Variants in TYW1B observed in about 807,000 individuals in gnomAD.
The protein encoded by TYW1B is tRNA-yW synthesizing protein 1 homolog B, also known as S-adenosyl-L-methionine-dependent tRNA 4-demethylwyosine synthase TYW1B.
TYW1B carries 73 observed loss-of-function variants against 86.9 expected under a neutral mutation model. That is an observed-to-expected ratio of 0.84 (90% CI 0.70 to 1.02). TYW1B has a LOEUF of 1.02. Among genes scored for constraint, TYW1B ranks in the 50% least tolerant of loss-of-function variants. TYW1B has a pLI of 0.00. For synonymous variants in TYW1B, 248 were observed against 292.8 expected, an observed-to-expected ratio of 0.85 and a Z score of 1.56; for missense variants, 637 against 827.4, an observed-to-expected ratio of 0.77 and a Z score of 2.82.
At position 72,661,236 on chromosome 7, in the gene TYW1B, C is replaced by T. The variant is rs1271373735; in HGVS notation, c.1507-32239G>A. ...AATTCTAGGGAGGTCTGGTGGGGGG[C>T]GGGGGGGCACTATAGGTAACTAATG... On this transcript the variant is annotated intron_variant, in intron 11 of 13. Transcript: ENST00000620995. Among the ~76,000 whole-genome samples the T allele has an allele frequency of 1.3e-3, 6 of 4,448 alleles. 1 individual carries two copies. The highest frequency in any genetic ancestry group is 2.5e-3 in the African/African-American group (6 of 2,436). 2.9% of individuals were successfully genotyped at this position (4,448 alleles called of 152,430 possible). A position where few individuals can be genotyped will look rare whatever the true frequency, so the allele number is the denominator to read the frequency against.
intron 10 of TYW1B, among the ~76,000 whole-genome samples, chr7:72,700,338 C>T (rs1255680743): frequency 3.3e-5 from 5 of 151,742 alleles, no homozygotes; most frequent in African/African-American, 1.2e-4. Flanking sequence ...CCACGCCCAG[C>T]TAATTTTTTG....
intron 7 of TYW1B, among the ~76,000 whole-genome samples, chr7:72,769,970 C>T (rs1241125966): frequency 6.6e-6 from 1 of 151,942 alleles, no homozygotes; most frequent in African/African-American, 2.4e-5. Context: ...ATCCCACTTA[C>T]TCAGGAGACT....
chr7:72,789,771 C>CA (rs1321737422), intron 6 of TYW1B, among the ~76,000 whole-genome samples: 2 of 151,816 alleles, frequency 1.3e-5, no homozygotes, highest in African/African-American at 4.8e-5. Flanking sequence ...CCACCACACC[C>CA]AGCCTGGAAT....
intron 11 of TYW1B, among the ~76,000 whole-genome samples, chr7:72,664,601 A>T (rs1813416732): frequency 6.6e-6 from 1 of 152,208 alleles, no homozygotes; most frequent in African/African-American, 2.4e-5. Context: ...GGCCTATCAC[A>T]GAGTGGAGAA....
intron 4 of TYW1B, among the ~76,000 whole-genome samples, chr7:72,809,583 T>C (rs775310636): frequency 6.6e-6 from 1 of 152,138 alleles, no homozygotes; most frequent in African/African-American, 2.4e-5. Context: ...AGCCTAGGAC[T>C]TCAAGGTTCA....
intron 7 of TYW1B, among the ~76,000 whole-genome samples, chr7:72,752,205 C>T (rs1434363490): frequency 3.3e-5 from 5 of 152,104 alleles, no homozygotes; most frequent in Non-Finnish European, 5.9e-5. Flanking sequence ...GGATCGACAG[C>T]ATTTCACAGG....
intron 13 of TYW1B, among the ~76,000 whole-genome samples, chr7:72,607,033 G>C (rs1554434987): frequency 6.6e-6 from 1 of 152,136 alleles, no homozygotes; most frequent in East Asian, 1.9e-4. Context: ...TATGTGTGTT[G>C]GAATTATCTG....
At chr7:72,822,035 T>C (rs1431622348) in intron 2 of TYW1B, among the ~76,000 whole-genome samples, 3 of 150,926 alleles carry the variant, frequency 2.0e-5, no homozygotes, top group Admixed American at 6.6e-5. Flanking sequence ...CACTTGAGGC[T>C]AGGAGTTTGA....
At chr7:72,654,691 G>C (rs181913882) in intron 11 of TYW1B, among the ~76,000 whole-genome samples, 2 of 152,258 alleles carry the variant, frequency 1.3e-5, no homozygotes, top group African/African-American at 4.8e-5. Flanking sequence ...GACCAGCCTG[G>C]CCAATACAGT....
chr7:72,667,986 G>C (rs1813509335), intron 11 of TYW1B, among the ~76,000 whole-genome samples: 1 of 152,120 alleles, frequency 6.6e-6, no homozygotes, highest in Non-Finnish European at 1.5e-5. Flanking sequence ...CACAGCTAGT[G>C]TCACATAAAA....
intron 12 of TYW1B, among the ~76,000 whole-genome samples, chr7:72,626,024 A>C (rs1812341325): frequency 1.3e-5 from 2 of 152,012 alleles, no homozygotes; most frequent in Non-Finnish European, 2.9e-5. Flanking sequence ...ATAAATTAAA[A>C]CACCACTAAT....
intron 6 of TYW1B, among the ~76,000 whole-genome samples, chr7:72,788,475 C>T (rs782676499): frequency 2.8e-4 from 43 of 152,186 alleles, no homozygotes; most frequent in Non-Finnish European, 2.2e-4. Context: ...AGTTGAGCAT[C>T]CCAAATCTTC....
chr7:72,794,881 C>T (rs115894130), intron 6 of TYW1B, among the ~76,000 whole-genome samples: 301 of 151,562 alleles, frequency 2.0e-3, no homozygotes, highest in African/African-American at 6.5e-3. Flanking sequence ...TGCAGTGACA[C>T]GATCTCGGCT....
chr7:72,613,644 G>A (rs2129568346), intron 13 of TYW1B, among the ~76,000 whole-genome samples: 1 of 152,078 alleles, frequency 6.6e-6, no homozygotes, highest in African/African-American at 2.4e-5. Context: ...CTGACCTCAA[G>A]TGATCTGCCC....
intron 7 of TYW1B, among the ~76,000 whole-genome samples, chr7:72,754,376 C>T (rs1222250027): frequency 2.0e-5 from 3 of 151,978 alleles, no homozygotes; most frequent in Non-Finnish European, 4.4e-5. Flanking sequence ...CTCCTGACTT[C>T]GGGATCTGCC....
At chr7:72,692,654 G>A (rs1814199258) in intron 11 of TYW1B, among the ~76,000 whole-genome samples, 1 of 152,210 alleles carries the variant, frequency 6.6e-6, no homozygotes, top group South Asian at 2.1e-4. Flanking sequence ...TTTTTTAATA[G>A]ATATAAAACT....
chr7:72,684,141 G>A (rs543032907), intron 11 of TYW1B, among the ~76,000 whole-genome samples: 1 of 152,152 alleles, frequency 6.6e-6, no homozygotes, highest in Non-Finnish European at 1.5e-5. Flanking sequence ...AAAACAAAGA[G>A]AGAAAAGAAC....
rs782097585 is a variant in TYW1B, at chr7:72,628,946, C to T, written c.1558G>A (p.Glu520Lys). 13 of 1,592,020 alleles carry T rather than the reference C, an allele frequency of 8.2e-6. No homozygotes were observed. The highest frequency in any genetic ancestry group is 3.6e-5 in the Admixed American group (2 of 55,946). The stretch of plus-strand genomic sequence containing the variant: ...ACGAGCTGCGCGTAGGCCTGGAGCT[C>T]GTCCACGTTCCATGCTTTCACGAGC... ...LMLVKAWNVD[E>K]LQAYAQLVSL... The change falls in exon 12 of 14, where the codon GAG becomes AAG. Residue 520 changes from glutamate to lysine, a missense_variant. Physicochemically the swap from Glu to Lys is moderately conservative, Grantham distance 56 (BLOSUM62 1). Transcript: ENST00000620995.
At chr7:72,730,477 GAACA>G (rs782687059) in intron 8 of TYW1B, among the ~76,000 whole-genome samples, 6 of 138,880 alleles carry the variant, frequency 4.3e-5, no homozygotes, top group Non-Finnish European at 7.7e-5. Context: ...AGATCAAGGA[GAACA>G]AACAATGTCT....
Sources: gnomAD v4.1 joint callset for allele counts (sites outside exome capture counted in the v4.1 genomes callset) on GRCh38, gnomAD v4.1.1 for gene constraint, MANE v1.5 for transcripts, NCBI Gene and HGNC (gene_info 2026-07-23, HGNC 2026-07-21) for gene names.